HTR4: variants seen among roughly 807,000 people sequenced by gnomAD.
The protein encoded by HTR4 is 5-hydroxytryptamine (serotonin) receptor 4, G protein-coupled.
Under a neutral mutation model 36.8 loss-of-function variants are expected in HTR4, and 16 were observed. The ratio of observed to expected loss-of-function variants is 0.43; its 90% CI spans 0.29 to 0.66. The LOEUF (loss-of-function observed/expected upper bound fraction) is 0.66. Among genes scored for constraint, HTR4 ranks in the 30% least tolerant of loss-of-function variants. HTR4 has a pLI of 0.13. For missense variants in HTR4, 438 were observed against 490.9 expected (o/e 0.89, Z 1.02); for synonymous variants, 189 against 185.1 (o/e 1.02, Z -0.17).
At chr5:148,546,976 A>T (rs963749961) in intron 4 of HTR4, among the ~76,000 whole-genome samples, 3 of 152,212 alleles carry the variant, frequency 2.0e-5, no homozygotes, top group Non-Finnish European at 4.4e-5. Flanking sequence ...GTTGCTTGCC[A>T]TGAGTTCAAT....
intron 2 of HTR4, among the ~76,000 whole-genome samples, chr5:148,561,488 G>A (rs1760205839): frequency 6.6e-6 from 1 of 152,190 alleles, no homozygotes; most frequent in African/African-American, 2.4e-5. Context: ...AGACCTCAGA[G>A]GTGGTCTCTC....
intron 2 of HTR4, among the ~76,000 whole-genome samples, chr5:148,610,236 C>T (rs1479871102): frequency 6.6e-6 from 1 of 152,164 alleles, no homozygotes; most frequent in African/African-American, 2.4e-5. Flanking sequence ...GTCTACAGCT[C>T]CCAGCCTGAG....
chr5:148,611,430 CT>C (rs1396157947), intron 2 of HTR4, among the ~76,000 whole-genome samples: 3 of 141,936 alleles, frequency 2.1e-5, no homozygotes, highest in Admixed American at 2.1e-4. Flanking sequence ...CCAAACTAAG[CT>C]TCATAAGTGA....
intron 6 of HTR4, among the ~76,000 whole-genome samples, chr5:148,487,805 G>C (rs1049582086): frequency 4.0e-5 from 6 of 151,738 alleles, no homozygotes; most frequent in Non-Finnish European, 8.8e-5. Context: ...GAAATCACAG[G>C]CAGGTCAGAG....
intron 2 of HTR4, among the ~76,000 whole-genome samples, chr5:148,597,643 C>T (rs542998377): frequency 6.6e-6 from 1 of 152,290 alleles, no homozygotes; most frequent in East Asian, 1.9e-4. Flanking sequence ...CTAGAATGCT[C>T]CCCAACCACT....
intron 2 of HTR4, among the ~76,000 whole-genome samples, chr5:148,584,619 C>T (rs573266586): frequency 6.6e-6 from 1 of 152,294 alleles, no homozygotes; most frequent in South Asian, 2.1e-4. Context: ...TTCTCTCCTA[C>T]TTCCTAGGTG....
intron 5 of HTR4, among the ~76,000 whole-genome samples, chr5:148,513,973 C>G (rs1020715830): frequency 6.6e-6 from 1 of 152,132 alleles, no homozygotes; most frequent in African/African-American, 2.4e-5. Context: ...TATTCAGCAA[C>G]TTTGCTAAGT....
Position 148,481,843 on chromosome 5 carries a change from G to T in HTR4, c.*1360C>A. ...CTCAGCTTTGAATAAAAGACATCCA[G>T]ATTAATCTGAAGGACAAAGCTGGAA... On this transcript the variant is annotated 3_prime_UTR_variant, in exon 7 of 7. Coordinates refer to ENST00000377888, the MANE Select transcript of HTR4 (RefSeq NM_000870.7). 3 of 1,303,658 alleles carry T rather than the reference G, an allele frequency of 2.3e-6. No individual in the cohort carries two copies. The highest frequency in any genetic ancestry group is 2.9e-6 in the Non-Finnish European group (3 of 1,031,470). 80.8% of individuals were successfully genotyped at this position (1,303,658 alleles called of 1,614,324 possible).
rs987162622 is a variant in HTR4 at position 148,502,869 on chromosome 5, G to A, written c.1076+6587C>T. Among the ~76,000 whole-genome samples, 7 of 152,260 alleles carry A rather than the reference G, an allele frequency of 4.6e-5. No homozygotes were observed. In the East Asian group the frequency reaches 5.8e-4, roughly 13 times the overall value. On this transcript the variant is annotated intron_variant, in intron 6 of 6. Coordinates refer to ENST00000377888, the MANE Select transcript of HTR4 (RefSeq NM_000870.7). ...ATGCACAAGCCTCAGTAGCCGATTC[G>A]ATCAACTGGAAGAAAGGGTATCAGT...
chr5:148,485,327 A>G (rs1269200061), intron 6 of HTR4, among the ~76,000 whole-genome samples: 3 of 152,206 alleles, frequency 2.0e-5, no homozygotes, highest in Non-Finnish European at 2.9e-5. Context: ...ACAGGGTCAG[A>G]CCTTACATTT....
intron 1 of HTR4, among the ~76,000 whole-genome samples, chr5:148,647,560 T>G (rs1042271322): frequency 2.0e-5 from 3 of 152,004 alleles, no homozygotes; most frequent in African/African-American, 7.2e-5. Flanking sequence ...GTTAATAAGG[T>G]GGTTAGGGCC....
At chr5:148,653,487 G>A (rs1226813132) in intron 1 of HTR4, among the ~76,000 whole-genome samples, 1 of 152,170 alleles carries the variant, frequency 6.6e-6, no homozygotes, top group Non-Finnish European at 1.5e-5. Context: ...CAGGATGGTT[G>A]CGAGTACCGG....
chr5:148,523,392 A>T, intron 4 of HTR4, 46 bp from the exon 5 acceptor site: 1 of 1,506,334 alleles, frequency 6.6e-7, no homozygotes, highest in Non-Finnish European at 9.0e-7. Flanking sequence ...GCAAGGAGGA[A>T]TGGGAGGGAG....
chr5:148,585,563 G>A (rs1461315020), intron 2 of HTR4, among the ~76,000 whole-genome samples: 1 of 152,060 alleles, frequency 6.6e-6, no homozygotes, highest in Non-Finnish European at 1.5e-5. Flanking sequence ...TTATAGTGGG[G>A]GCATTTCCTA....
At chr5:148,565,727 A>C (rs948032328) in intron 2 of HTR4, among the ~76,000 whole-genome samples, 8 of 152,280 alleles carry the variant, frequency 5.3e-5, no homozygotes, top group African/African-American at 1.7e-4. Flanking sequence ...TGGGAGAGGC[A>C]GGTGGAGAAT....
At chr5:148,607,377 C>T (rs1300873056) in intron 2 of HTR4, among the ~76,000 whole-genome samples, 1 of 152,166 alleles carries the variant, frequency 6.6e-6, no homozygotes, top group East Asian at 1.9e-4. Context: ...CTAGCCTGCC[C>T]ATGCTGTGAT....
intron 2 of HTR4, among the ~76,000 whole-genome samples, chr5:148,558,884 C>T (rs1297390558): frequency 6.6e-6 from 1 of 152,206 alleles, no homozygotes; most frequent in African/African-American, 2.4e-5. Flanking sequence ...TCATTTATTA[C>T]AAGTACAGAT....
intron 2 of HTR4, among the ~76,000 whole-genome samples, chr5:148,564,306 C>T (rs568905699): frequency 1.3e-5 from 2 of 152,278 alleles, no homozygotes; most frequent in East Asian, 3.9e-4. Flanking sequence ...GCTTAAACAT[C>T]TTATTGTCTG....
At chr5:148,561,594 C>T (rs2113867261) in intron 2 of HTR4, among the ~76,000 whole-genome samples, 1 of 152,176 alleles carries the variant, frequency 6.6e-6, no homozygotes, top group South Asian at 2.1e-4. Context: ...TATATGTGCA[C>T]AGTCTAGCGT....
Sources: gnomAD v4.1 joint callset for allele counts (sites outside exome capture counted in the v4.1 genomes callset) on GRCh38, gnomAD v4.1.1 for gene constraint, MANE v1.5 for transcripts, NCBI Gene and HGNC (gene_info 2026-07-23, HGNC 2026-07-21) for gene names.